PLD5: variants seen among roughly 807,000 people sequenced by gnomAD.
The protein encoded by PLD5 is phospholipase D family member 5.
In PLD5, 36 loss-of-function variants were observed where a neutral mutation model predicts 61.1. The observed-to-expected ratio is 0.59, with a 90% CI of 0.45 to 0.78. The LOEUF is 0.78. PLD5 is among the 30% of genes least tolerant of loss of function. The probability of loss-of-function intolerance (pLI) is 0.00; values close to 1 mark genes in which losing one functional copy is unlikely to be tolerated. For missense variants in PLD5, 515 were observed against 644.4 expected (o/e 0.80, Z 2.17); for synonymous variants, 243 against 242.8 (o/e 1.00, Z -0.01).
At chr1:242,158,411 T>C (rs953318528) in intron 5 of PLD5, among the ~76,000 whole-genome samples, 15 of 151,606 alleles carry the variant, frequency 9.9e-5, no homozygotes, top group Non-Finnish European at 2.2e-4. Context: ...GCTACCCAGG[T>C]TTCTGCTTGA....
intron 5 of PLD5, chr1:242,147,687 T>G (rs1051873640): frequency 2.6e-5 from 4 of 152,232 alleles, no homozygotes; most frequent in African/African-American, 7.2e-5. Flanking sequence ...ATTTTAATTT[T>G]TTTATGTTTT....
chr1:242,363,916 G>C (rs1661203956), intron 1 of PLD5, among the ~76,000 whole-genome samples: 1 of 152,112 alleles, frequency 6.6e-6, no homozygotes, highest in African/African-American at 2.4e-5. Context: ...AAAAACAGTA[G>C]ACTGAACAGA....
intron 5 of PLD5, chr1:242,177,597 A>G (rs1318362385): frequency 1.3e-5 from 2 of 152,172 alleles, no homozygotes; most frequent in Non-Finnish European, 2.9e-5. Flanking sequence ...AACAAAAACC[A>G]CAACAATTCC....
At chr1:242,126,648 C>T (rs981170115) in intron 5 of PLD5, among the ~76,000 whole-genome samples, 4 of 152,198 alleles carry the variant, frequency 2.6e-5, no homozygotes, top group African/African-American at 9.6e-5. Flanking sequence ...TCACCTTCTA[C>T]AAAAATCAAC....
At chr1:242,100,461 C>G (rs1472944651) in intron 9 of PLD5, among the ~76,000 whole-genome samples, 4 of 152,198 alleles carry the variant, frequency 2.6e-5, no homozygotes, top group Non-Finnish European at 5.9e-5. Context: ...TCTATGTCTT[C>G]TAGTACATAA....
intron 5 of PLD5, among the ~76,000 whole-genome samples, chr1:242,178,722 G>A (rs1667333071): frequency 6.6e-6 from 1 of 152,112 alleles, no homozygotes; most frequent in Non-Finnish European, 1.5e-5. Flanking sequence ...ATTATAGAAT[G>A]AAACAAAAAT....
At chr1:242,334,723 C>T (rs1659399548) in intron 2 of PLD5, among the ~76,000 whole-genome samples, 2 of 152,160 alleles carry the variant, frequency 1.3e-5, no homozygotes, top group Admixed American at 1.3e-4. Context: ...CTTGGAACCT[C>T]CCTTATCTGA....
At chr1:242,313,676 G>T (rs1676837090) in intron 2 of PLD5, among the ~76,000 whole-genome samples, 2 of 152,116 alleles carry the variant, frequency 1.3e-5, no homozygotes, top group Admixed American at 1.3e-4. Context: ...CCACATTTTG[G>T]TCAAATGCTG....
chr1:242,200,308 T>C (rs939071216), intron 5 of PLD5, among the ~76,000 whole-genome samples: 4 of 152,214 alleles, frequency 2.6e-5, no homozygotes, highest in African/African-American at 9.6e-5. Context: ...TGTCTGGGCA[T>C]GTTTTTCTCT....
At chr1:242,230,743 G>A (rs1434730500) in intron 4 of PLD5, among the ~76,000 whole-genome samples, 1 of 152,044 alleles carries the variant, frequency 6.6e-6, no homozygotes, top group Non-Finnish European at 1.5e-5. Flanking sequence ...TTAGCACAAT[G>A]CATTTTTAAT....
intron 1 of PLD5, among the ~76,000 whole-genome samples, chr1:242,503,302 C>T (rs557589203): frequency 2.6e-5 from 4 of 152,170 alleles, no homozygotes; most frequent in Middle Eastern, 6.8e-3. Flanking sequence ...AAGGATGTGG[C>T]CCCTCCCATT....
intron 1 of PLD5, among the ~76,000 whole-genome samples, chr1:242,464,324 ACTCAACAGTGCTAC>A (rs776637403): frequency 5.9e-5 from 9 of 152,066 alleles, no homozygotes; most frequent in Non-Finnish European, 8.8e-5. Flanking sequence ...TCCAATGTCT[ACTCAACAGTGCTAC>A]CTGGATGTTT....
At chr1:242,406,800 A>C (rs1664256635) in intron 1 of PLD5, among the ~76,000 whole-genome samples, 1 of 152,242 alleles carries the variant, frequency 6.6e-6, no homozygotes, top group South Asian at 2.1e-4. Flanking sequence ...GATTAGAAAA[A>C]TACTCAGAAG....
intron 1 of PLD5, among the ~76,000 whole-genome samples, chr1:242,517,356 G>A (rs190623086): frequency 2.0e-5 from 3 of 152,238 alleles, no homozygotes; most frequent in Non-Finnish European, 4.4e-5. Flanking sequence ...AGTAATGATT[G>A]CTTTTATTTC....
At chr1:242,378,875 AAGAG>A (rs767648649) in intron 1 of PLD5, among the ~76,000 whole-genome samples, 5 of 152,116 alleles carry the variant, frequency 3.3e-5, no homozygotes, top group Non-Finnish European at 5.9e-5. Flanking sequence ...CGTTAAAAAA[AAGAG>A]AGAGAAGAAA....
intron 5 of PLD5, among the ~76,000 whole-genome samples, chr1:242,147,016 A>G (rs2148806756): frequency 6.6e-6 from 1 of 152,318 alleles, no homozygotes; most frequent in Non-Finnish European, 1.5e-5. Context: ...TTTTCCATTT[A>G]TATTGAGGTA....
chr1:242,372,759 G>A (rs1236534056), intron 1 of PLD5, among the ~76,000 whole-genome samples: 6 of 152,082 alleles, frequency 3.9e-5, no homozygotes, highest in Non-Finnish European at 7.4e-5. Context: ...GCTGAAACTG[G>A]ATCCCTTCCT....
chr1:242,460,149 G>A (rs1007311793), intron 1 of PLD5, among the ~76,000 whole-genome samples: 2 of 152,116 alleles, frequency 1.3e-5, no homozygotes, highest in African/African-American at 4.8e-5. Context: ...TCTGTATACT[G>A]TACTTCTACA....
intron 1 of PLD5, among the ~76,000 whole-genome samples, chr1:242,380,171 A>G (rs1171619785): frequency 6.6e-6 from 1 of 152,202 alleles, no homozygotes; most frequent in African/African-American, 2.4e-5. Flanking sequence ...TTTTCATAAT[A>G]TGGTGACAGT....
Sources: gnomAD v4.1 joint callset for allele counts (sites outside exome capture counted in the v4.1 genomes callset) on GRCh38, gnomAD v4.1.1 for gene constraint, MANE v1.5 for transcripts, NCBI Gene and HGNC (gene_info 2026-07-23, HGNC 2026-07-21) for gene names.